Variants in GRIA4 observed in about 807,000 individuals in gnomAD.
GRIA4 encodes the protein glutamate receptor 4.
Under a neutral mutation model 104.0 loss-of-function variants are expected in GRIA4, and 34 were observed. The ratio of observed to expected loss-of-function variants is 0.33; its 90% CI spans 0.25 to 0.44. The LOEUF is 0.44. Among genes scored for constraint, GRIA4 ranks in the 20% least tolerant of loss-of-function variants. The pLI, the probability that GRIA4 is intolerant of heterozygous loss-of-function variation, is 1.00. For synonymous variants in GRIA4, 386 were observed against 381.9 expected (o/e 1.01, Z -0.13); for missense variants, 750 against 1,096.5 (o/e 0.68, Z 4.46).
At chr11:105,968,801 T>C (rs891296106) in intron 14 of GRIA4, among the ~76,000 whole-genome samples, 15 of 152,216 alleles carry the variant, frequency 9.9e-5, no homozygotes, top group African/African-American at 3.4e-4. Context: ...AATTTAAAAA[T>C]ATTGATTGCA....
intron 3 of GRIA4, among the ~76,000 whole-genome samples, chr11:105,699,622 T>G (rs922517364): frequency 5.9e-5 from 9 of 152,164 alleles, no homozygotes; most frequent in Non-Finnish European, 8.8e-5. Flanking sequence ...GCTATGGTTT[T>G]ATTTATCTTT....
chr11:105,722,285 T>C (rs1937877479), intron 3 of GRIA4, among the ~76,000 whole-genome samples: 1 of 152,172 alleles, frequency 6.6e-6, no homozygotes, highest in African/African-American at 2.4e-5. Context: ...TGTTTGTGAA[T>C]TATGATAAGC....
At chr11:105,863,413 A>C (rs1945298555) in intron 5 of GRIA4, among the ~76,000 whole-genome samples, 2 of 147,794 alleles carry the variant, frequency 1.4e-5, no homozygotes. Flanking sequence ...TATATACTGA[A>C]GAAATATATA....
In GRIA4 at chr11:105,918,845, C is replaced by G; in HGVS notation, c.1403C>G (p.Pro468Arg). 1 of 1,610,948 alleles carries G rather than the reference C, an allele frequency of 6.2e-7. No individual in the cohort carries two copies. Among genetic ancestry groups the G allele is most frequent in the Non-Finnish European group, 8.5e-7 (1 of 1,177,466 alleles). The change falls in exon 11 of 17, where the codon CCT becomes CGT. Residue 468 changes from proline to arginine, a missense_variant. Physicochemically the swap from Pro to Arg is moderately radical, Grantham distance 103 (BLOSUM62 -2). This residue lies in a region of GRIA4 where 272 missense variants were observed against 524.5 expected (regional missense o/e 0.52). Transcript: ENST00000282499. ...ATCAAGTATAAAATTGCCATTGTCC[C>G]TGATGGAAAATATGGAGCAAGGGAT... ...IGIKYKIAIVPDGKYGARDAD... is the reference protein window; with the variant it reads ...IGIKYKIAIVRDGKYGARDAD...
At chr11:105,970,630 A>C (rs1858636465) in intron 14 of GRIA4, among the ~76,000 whole-genome samples, 2 of 152,210 alleles carry the variant, frequency 1.3e-5, no homozygotes, top group South Asian at 4.1e-4. Flanking sequence ...TGCATTTCCT[A>C]GTTGTATAGA....
At chr11:105,936,194 G>T (rs1293637681) in intron 14 of GRIA4, among the ~76,000 whole-genome samples, 3 of 152,070 alleles carry the variant, frequency 2.0e-5, no homozygotes, top group Non-Finnish European at 4.4e-5. Flanking sequence ...ATCCAACTAG[G>T]ATTCTTCTGC....
intron 4 of GRIA4, among the ~76,000 whole-genome samples, chr11:105,845,738 G>A (rs1370547760): frequency 6.6e-6 from 1 of 152,088 alleles, no homozygotes; most frequent in African/African-American, 2.4e-5. Flanking sequence ...AAAAAAATTA[G>A]CCAGGTGTGG....
chr11:105,804,965 A>G (rs1208347304), intron 4 of GRIA4, among the ~76,000 whole-genome samples: 2 of 151,964 alleles, frequency 1.3e-5, no homozygotes, highest in Admixed American at 6.6e-5. Flanking sequence ...ATATAATATA[A>G]AAATAGGCTT....
rs1409410654 is a variant in GRIA4, at chr11:105,912,638, GTA to G, written c.1269+2095_1269+2096del. On this transcript the variant is annotated intron_variant, in intron 10 of 16. Coordinates refer to ENST00000282499, the MANE Select transcript of GRIA4 (RefSeq NM_000829.4). ...TTGCTATCAAAATAGTATAATACTA[GTA>G]TCTTTTTGTATGAAAATGTAATCTT... 27 of 659,032 alleles carry G rather than the reference GTA, an allele frequency of 4.1e-5. No individual in the cohort carries two copies. The South Asian group carries it at 1.7e-3, about 40-fold the overall frequency. The allele number at this position is 659,032 out of a possible 1,614,324, so 40.8% of individuals were successfully genotyped here.
At chr11:105,886,974 G>GA (rs1287942555) in intron 5 of GRIA4, among the ~76,000 whole-genome samples, 7 of 148,824 alleles carry the variant, frequency 4.7e-5, no homozygotes, top group Non-Finnish European at 1.0e-4. Context: ...GTAATTATAA[G>GA]AAAACACTAC....
intron 3 of GRIA4, among the ~76,000 whole-genome samples, chr11:105,663,625 A>G (rs1229783826): frequency 6.6e-6 from 1 of 151,958 alleles, no homozygotes; most frequent in Non-Finnish European, 1.5e-5. Flanking sequence ...GAGGAACTAG[A>G]TGATGATGTG....
chr11:105,787,088 C>A (rs1481397340), intron 4 of GRIA4, among the ~76,000 whole-genome samples: 2 of 152,148 alleles, frequency 1.3e-5, no homozygotes, highest in Non-Finnish European at 2.9e-5. Context: ...AACAGAGAGA[C>A]TATAACCTGG....
At chr11:105,935,335 T>C (rs1378660114) in intron 14 of GRIA4, among the ~76,000 whole-genome samples, 1 of 152,152 alleles carries the variant, frequency 6.6e-6, no homozygotes, top group African/African-American at 2.4e-5. Context: ...CTTATTAACA[T>C]ACATTCCATA....
chr11:105,641,598 C>T (rs539267028), intron 3 of GRIA4, among the ~76,000 whole-genome samples: 39 of 152,240 alleles, frequency 2.6e-4, no homozygotes, highest in Non-Finnish European at 4.3e-4. Flanking sequence ...TGACATCATC[C>T]TGTGTCACTA....
In GRIA4 at chr11:105,926,807, T is replaced by C. The variant is rs767498278; in HGVS notation, c.1914T>C (p.Tyr638=). 47 of 1,611,048 alleles carry C rather than the reference T, an allele frequency of 2.9e-5. No homozygotes were observed. Among genetic ancestry groups the C allele is most frequent in the Non-Finnish European group, 3.9e-5 (46 of 1,177,548 alleles). ...TTACACTCATCATTATATCATCTTA[T>C]ACTGCTAACCTCGCTGCTTTCCTGA... is the stretch of plus-strand genomic sequence containing the variant. ...WFFTLIIISS[Y]TANLAAFLTV... is the part of the protein sequence containing the mutation. The change falls in exon 13 of 17, where the codon TAT becomes TAC. Residue 638 remains tyrosine, a synonymous_variant. Coordinates refer to ENST00000282499, the MANE Select transcript of GRIA4 (RefSeq NM_000829.4).
intron 4 of GRIA4, among the ~76,000 whole-genome samples, chr11:105,762,814 G>A (rs1940730207): frequency 6.6e-6 from 1 of 152,316 alleles, no homozygotes; most frequent in Admixed American, 6.5e-5. Context: ...CAGCCATGTG[G>A]AACTGTGAGT....
At chr11:105,840,311 C>T (rs1005641805) in intron 4 of GRIA4, among the ~76,000 whole-genome samples, 1 of 152,124 alleles carries the variant, frequency 6.6e-6, no homozygotes, top group Non-Finnish European at 1.5e-5. Context: ...CTCACTGATG[C>T]TATATAAAAT....
At chr11:105,732,624 A>G (rs1459019116) in intron 3 of GRIA4, among the ~76,000 whole-genome samples, 1 of 152,180 alleles carries the variant, frequency 6.6e-6, no homozygotes, top group Non-Finnish European at 1.5e-5. Flanking sequence ...AGTGCCTTCT[A>G]TTGATGAAGC....
At chr11:105,712,436 T>G (rs1292481289) in intron 3 of GRIA4, among the ~76,000 whole-genome samples, 1 of 152,024 alleles carries the variant, frequency 6.6e-6, no homozygotes, top group African/African-American at 2.4e-5. Flanking sequence ...TTCTTATTCA[T>G]GCTTTGTCAG....
Sources: gnomAD v4.1 joint callset for allele counts (sites outside exome capture counted in the v4.1 genomes callset) on GRCh38, gnomAD v4.1.1 for gene constraint, gnomAD v4.1.1 regional missense constraint, MANE v1.5 for transcripts, NCBI Gene and HGNC (gene_info 2026-07-23, HGNC 2026-07-21) for gene names.